PEX5L: variants seen among roughly 807,000 people sequenced by gnomAD.
The protein encoded by PEX5L is peroxisomal biogenesis factor 5 like.
Under a neutral mutation model 84.0 loss-of-function variants are expected in PEX5L, and 30 were observed. That is an observed-to-expected ratio of 0.36 (90% CI 0.27 to 0.48). The LOEUF is 0.48. PEX5L is among the 20% of genes least tolerant of loss of function. The pLI, the probability that PEX5L is intolerant of heterozygous loss-of-function variation, is 0.99. For missense variants in PEX5L, 533 were observed against 754.6 expected (o/e 0.71, Z 3.44); for synonymous variants, 270 against 283.1 (o/e 0.95, Z 0.46).
chr3:179,962,444 T>C (rs1052130513), intron 2 of PEX5L, among the ~76,000 whole-genome samples: 2 of 152,248 alleles, frequency 1.3e-5, no homozygotes, highest in African/African-American at 4.8e-5. Context: ...ACAAGTAATA[T>C]GATTAAGCTT....
At position 179,955,354 on chromosome 3, in the gene PEX5L, C is replaced by T. The variant is rs73883425; in HGVS notation, c.93+16240G>A. On this transcript the variant is annotated intron_variant, in intron 2 of 14. Coordinates refer to ENST00000467460, the MANE Select transcript of PEX5L (RefSeq NM_016559.3). ...GGTGGTTCTAAATGTCAACTTACTT[C>T]GTGAGAGAAAGTTCTCGTTTTCTTT... Among the ~76,000 whole-genome samples, 866 of 151,976 alleles carry T rather than the reference C, an allele frequency of 5.7e-3. 7 individuals carry two copies. The highest frequency in any genetic ancestry group is 0.02 in the African/African-American group (830 of 41,488).
rs373988469 is a variant in PEX5L at position 179,986,107 on chromosome 3, A to G, written c.22-14442T>C. On this transcript the variant is annotated intron_variant, in intron 1 of 14. Transcript: ENST00000467460. Reference sequence around the variant, plus strand: ...TAGTATATGTACATATTGATACCTAATAAGATAATAATGATAATAATAACT... The same window carrying G: ...TAGTATATGTACATATTGATACCTAGTAAGATAATAATGATAATAATAACT... Among the ~76,000 whole-genome samples, 15 of 152,098 alleles carry G rather than the reference A, an allele frequency of 9.9e-5. No individual in the cohort carries two copies. In the East Asian group the frequency reaches 1.4e-3, roughly 14 times the overall value.
chr3:179,832,643 C>A (rs1469099760), intron 8 of PEX5L, among the ~76,000 whole-genome samples: 7 of 151,228 alleles, frequency 4.6e-5, no homozygotes, highest in Admixed American at 2.0e-4. Context: ...TACTTACCTA[C>A]CCCCTCACCT....
chr3:179,875,705 A>G (rs1260288208), intron 5 of PEX5L, among the ~76,000 whole-genome samples: 1 of 152,252 alleles, frequency 6.6e-6, no homozygotes, highest in Non-Finnish European at 1.5e-5. Flanking sequence ...GCAGCTAAAT[A>G]GAAATCTCCT....
At chr3:180,033,336 T>G (rs1319351137) in intron 1 of PEX5L, among the ~76,000 whole-genome samples, 1 of 152,170 alleles carries the variant, frequency 6.6e-6, no homozygotes, top group East Asian at 1.9e-4. Context: ...ATGCCTAAAA[T>G]AAAGATCAGT....
At chr3:179,829,897 C>T (rs1732052445) in intron 8 of PEX5L, among the ~76,000 whole-genome samples, 1 of 150,386 alleles carries the variant, frequency 6.6e-6, no homozygotes, top group African/African-American at 2.5e-5. Context: ...CTGCCTCAAC[C>T]TCCTGAGTAG....
In PEX5L at chr3:179,807,783, G is replaced by A; in HGVS notation, c.1567C>T (p.Arg523Cys). 2 of 1,614,020 alleles carry A rather than the reference G, an allele frequency of 1.2e-6. No individual in the cohort carries two copies. Among genetic ancestry groups the A allele is most frequent in the Non-Finnish European group, 1.7e-6 (2 of 1,179,996 alleles). Residue 523 changes from arginine to cysteine, a missense_variant, in exon 14 of 15, where the codon CGC becomes TGC. Around this residue, in one of 8 missense-constraint regions of PEX5L, gnomAD observed 105 missense variants for 204.6 expected, o/e 0.51. Coordinates refer to ENST00000467460, the MANE Select transcript of PEX5L (RefSeq NM_016559.3). ...TAGGCCTCCACGGCTTCCTCGCTGCGGTCTCCGTTCGCCAAGGTCGCCCCG... is the reference window on the plus strand; with the variant it reads ...TAGGCCTCCACGGCTTCCTCGCTGCAGTCTCCGTTCGCCAAGGTCGCCCCG... ...RLGATLANGD[R>C]SEEAVEAYTR...
intron 1 of PEX5L, among the ~76,000 whole-genome samples, chr3:180,027,966 C>G (rs1315203271): frequency 5.3e-5 from 8 of 152,166 alleles, no homozygotes; most frequent in African/African-American, 9.7e-5. Flanking sequence ...GTGACGCTGT[C>G]TCTTTTTCAG....
At chr3:179,953,029 TGAG>T in intron 2 of PEX5L, among the ~76,000 whole-genome samples, 2 of 152,128 alleles carry the variant, frequency 1.3e-5, no homozygotes, top group Non-Finnish European at 2.9e-5. Flanking sequence ...TAAATGGTGT[TGAG>T]AAAACTGGCT....
At chr3:180,008,021 T>C (rs1789083314) in intron 1 of PEX5L, among the ~76,000 whole-genome samples, 2 of 152,250 alleles carry the variant, frequency 1.3e-5, no homozygotes, top group African/African-American at 2.4e-5. Flanking sequence ...CTGGCTCAAA[T>C]TTCTCCCCAG....
intron 14 of PEX5L, among the ~76,000 whole-genome samples, chr3:179,806,551 A>G (rs1018670770): frequency 6.6e-6 from 1 of 152,248 alleles, no homozygotes; most frequent in East Asian, 1.9e-4. Context: ...AAATGCACCA[A>G]TGCAGTTCAG....
At chr3:180,032,598 A>C (rs962396515) in intron 1 of PEX5L, among the ~76,000 whole-genome samples, 1 of 152,234 alleles carries the variant, frequency 6.6e-6, no homozygotes, top group East Asian at 1.9e-4. Context: ...TCATGCCTGT[A>C]ATCCTAGCAC....
chr3:179,983,742 G>A (rs1472081456), intron 1 of PEX5L, among the ~76,000 whole-genome samples: 2 of 151,876 alleles, frequency 1.3e-5, no homozygotes, highest in Non-Finnish European at 2.9e-5. Flanking sequence ...AACCAATAAT[G>A]TTTGTTGCCA....
intron 2 of PEX5L, among the ~76,000 whole-genome samples, chr3:179,944,010 A>G (rs1243234378): frequency 7.2e-6 from 1 of 139,404 alleles, no homozygotes; most frequent in African/African-American, 3.1e-5. Context: ...TCCCCCCCCC[A>G]AAAAACTGAA....
chr3:179,831,854 C>T (rs1043948202), intron 8 of PEX5L, among the ~76,000 whole-genome samples: 3 of 152,262 alleles, frequency 2.0e-5, no homozygotes, highest in African/African-American at 7.2e-5. Context: ...TATGACGATG[C>T]CAGTGTAGAC....
chr3:179,879,922 G>T lies in PEX5L; in HGVS notation c.505+7C>A. ...TGAGCATCCATAGCCGCAAGCGATTGCCTTACCTAGATCTAAGGATGAAGT... is the reference window on the plus strand; with the variant it reads ...TGAGCATCCATAGCCGCAAGCGATTTCCTTACCTAGATCTAAGGATGAAGT... On this transcript the variant is annotated splice_region_variant and intron_variant, in intron 5 of 14. Coordinates refer to ENST00000467460, the MANE Select transcript of PEX5L (RefSeq NM_016559.3). The T allele has an allele frequency of 6.4e-7, 1 of 1,559,166 alleles. No homozygotes were observed. Among genetic ancestry groups the T allele is most frequent in the Non-Finnish European group, 8.7e-7 (1 of 1,156,062 alleles).
At chr3:179,822,473 T>A (rs1052457543) in intron 8 of PEX5L, among the ~76,000 whole-genome samples, 1 of 152,218 alleles carries the variant, frequency 6.6e-6, no homozygotes, top group Admixed American at 6.5e-5. Context: ...TAAAATGAGT[T>A]ACTGCTGACT....
intron 2 of PEX5L, among the ~76,000 whole-genome samples, chr3:179,913,169 T>C (rs1358351837): frequency 6.6e-6 from 1 of 152,154 alleles, no homozygotes; most frequent in Non-Finnish European, 1.5e-5. Flanking sequence ...TGGTATTTCT[T>C]CTGCTAGACT....
intron 2 of PEX5L, among the ~76,000 whole-genome samples, chr3:179,952,703 T>TCCCC (rs1452123011): frequency 6.6e-6 from 1 of 152,108 alleles, no homozygotes; most frequent in Non-Finnish European, 1.5e-5. Flanking sequence ...TTCAATGCTA[T>TCCCC]CCCCATCAAG....
Sources: gnomAD v4.1 joint callset for allele counts (sites outside exome capture counted in the v4.1 genomes callset) on GRCh38, gnomAD v4.1.1 for gene constraint, gnomAD v4.1.1 regional missense constraint, MANE v1.5 for transcripts, NCBI Gene and HGNC (gene_info 2026-07-23, HGNC 2026-07-21) for gene names.